Variants in PCDHGA12 observed in about 807,000 individuals in gnomAD.
PCDHGA12 encodes the protein protocadherin gamma-A12.
In PCDHGA12, 43 loss-of-function variants were observed where a neutral mutation model predicts 61.1. That is an observed-to-expected ratio of 0.70 (90% confidence interval 0.55 to 0.91). The LOEUF (loss-of-function observed/expected upper bound fraction) is 0.91. PCDHGA12 is among the 40% of genes least tolerant of loss of function. The pLI is 0.00. For synonymous variants in PCDHGA12, 520 were observed against 542.9 expected, an observed-to-expected ratio of 0.96 and a Z score of 0.59; for missense variants, 1,236 against 1,227.7, an observed-to-expected ratio of 1.01 and a Z score of -0.10.
rs564367150 is a variant in PCDHGA12 at position 141,464,990 on chromosome 5, C to T, written c.2425-29817C>T. Among the ~76,000 whole-genome samples, 147 of 152,192 alleles carry T rather than the reference C, an allele frequency of 9.7e-4. 1 individual carries two copies. Among genetic ancestry groups the T allele is most frequent in the African/African-American group, 3.5e-3 (144 of 41,536 alleles). On this transcript the variant is annotated intron_variant, in intron 1 of 3. Transcript: ENST00000252085. ...CTACTGGCTTCAAGTGATCCTCCCA[C>T]CTCAGCCTCCCAAAGTGCTAAGATT...
rs776773140 is a variant in PCDHGA12, at chr5:141,476,589, G to T, written c.2425-18218G>T. The T allele has an allele frequency of 6.2e-7, 1 of 1,614,246 alleles. No individual in the cohort carries two copies. Among genetic ancestry groups the T allele is most frequent in the South Asian group, 1.1e-5 (1 of 91,090 alleles). On this transcript the variant is annotated intron_variant, in intron 1 of 3. Coordinates refer to ENST00000252085, the MANE Select transcript of PCDHGA12 (RefSeq NM_003735.3). This position sits in a 1 kb window ranked among gnomAD's most constrained non-coding sequence, Gnocchi z 7.6. ...CCGGGGACGCGCTTTCCGCTCGAGA[G>T]CGCGCACGATCCCGATGTGGGAAGC...
At position 141,489,577 on chromosome 5, in the gene PCDHGA12, C is replaced by A. The variant is rs918238376; in HGVS notation, c.2425-5230C>A. The stretch of plus-strand genomic sequence containing the variant: ...GCCAGTGCAGGTGGTGACTGAACAC[C>A]CCCTGGAGCTAATCCGTGTAGAGGT... On this transcript the variant is annotated intron_variant, in intron 1 of 3. Coordinates refer to ENST00000252085, the MANE Select transcript of PCDHGA12 (RefSeq NM_003735.3). This position sits in a 1 kb window ranked among gnomAD's most constrained non-coding sequence, Gnocchi z 4.5. The A allele has an allele frequency of 6.2e-7, 1 of 1,613,894 alleles. No individual in the cohort carries two copies. The highest frequency in any genetic ancestry group is 8.5e-7 in the Non-Finnish European group (1 of 1,180,000).
rs1188870363 is a variant in PCDHGA12 at position 141,490,058 on chromosome 5, C to A, written c.2425-4749C>A. 16 of 1,614,230 alleles carry A rather than the reference C, an allele frequency of 9.9e-6. No individual in the cohort carries two copies. In the East Asian group the frequency reaches 3.6e-4, roughly 36 times the overall value. The stretch of plus-strand genomic sequence containing the variant: ...AATGCCACTGATCCAGACGAGGGCA[C>A]CAACGGCCAACTAGACTATTCTTTT... On this transcript the variant is annotated intron_variant, in intron 1 of 3. Coordinates refer to ENST00000252085, the MANE Select transcript of PCDHGA12 (RefSeq NM_003735.3). This position sits in a 1 kb window ranked among gnomAD's most constrained non-coding sequence, Gnocchi z 5.4.
intron 1 of PCDHGA12, among the ~76,000 whole-genome samples, chr5:141,438,655 T>C (rs1436221152): frequency 7.1e-6 from 1 of 140,042 alleles, no homozygotes; most frequent in Non-Finnish European, 1.5e-5. Flanking sequence ...CACACACATA[T>C]ATGTATATAT....
In PCDHGA12 at chr5:141,477,013, T is replaced by A. The variant is rs1285961519; in HGVS notation, c.2425-17794T>A. On this transcript the variant is annotated intron_variant, in intron 1 of 3. Coordinates refer to ENST00000252085, the MANE Select transcript of PCDHGA12 (RefSeq NM_003735.3). This position sits in a 1 kb window ranked among gnomAD's most constrained non-coding sequence, Gnocchi z 4.9. ...TGCGGCAACTATTCGCCTTAGACCT[T>A]GTAACCGGGATGCTGACAATCAAGG... is the stretch of plus-strand genomic sequence containing the variant. 6.2e-7 allele frequency: 1 copy of A among 1,614,204 alleles called. No individual in the cohort carries two copies. The highest frequency in any genetic ancestry group is 2.2e-5 in the East Asian group (1 of 44,878).
At chr5:141,492,265 G>C (rs1363279754) in intron 1 of PCDHGA12, among the ~76,000 whole-genome samples, 1 of 152,180 alleles carries the variant, frequency 6.6e-6, no homozygotes, top group Non-Finnish European at 1.5e-5. Flanking sequence ...CAAGTTGCAC[G>C]GGCTCGCCAC....
chr5:141,446,917 C>G (rs979679080), intron 1 of PCDHGA12, among the ~76,000 whole-genome samples: 1 of 152,108 alleles, frequency 6.6e-6, no homozygotes, highest in South Asian at 2.1e-4. Flanking sequence ...TTTTATTTAT[C>G]TTCCTGATCT....
At position 141,485,561 on chromosome 5, in the gene PCDHGA12, GCCC is replaced by G; in HGVS notation, c.2425-9242_2425-9240del. ...AGAGATCGTAGATGTGAATGATCAC[GCCC>G]CCCGTTTTCCGCGGCAGCAGCTGGA... On this transcript the variant is annotated intron_variant, in intron 1 of 3. Transcript: ENST00000252085. This position sits in a 1 kb window ranked among gnomAD's most constrained non-coding sequence, Gnocchi z 5.7. 1 of 1,613,008 alleles carries G rather than the reference GCCC, an allele frequency of 6.2e-7. No homozygotes were observed.
intron 1 of PCDHGA12, among the ~76,000 whole-genome samples, chr5:141,464,747 G>A (rs969116049): frequency 2.0e-5 from 3 of 151,812 alleles, no homozygotes; most frequent in Admixed American, 2.0e-4. Context: ...ATATCTTTTT[G>A]TTTTTTTAGA....
At chr5:141,474,148 A>G (rs773360112) in intron 1 of PCDHGA12, among the ~76,000 whole-genome samples, 4 of 152,244 alleles carry the variant, frequency 2.6e-5, no homozygotes, top group Non-Finnish European at 5.9e-5. Context: ...CTTATTATCA[A>G]GAAAATGACA....
rs2734872 is a variant in PCDHGA12 at position 141,474,454 on chromosome 5, C to T, written c.2425-20353C>T. On this transcript the variant is annotated intron_variant, in intron 1 of 3. Transcript: ENST00000252085. ...ACACTTTGAGTAGCAAGTGATTGGG[C>T]TATACTCTTTATTCTAAATTCTAAA... Among the ~76,000 whole-genome samples, 6 of 152,308 alleles carry T rather than the reference C, an allele frequency of 3.9e-5. No individual in the cohort carries two copies. The East Asian group carries it at 1.2e-3, about 29-fold the overall frequency.
At chr5:141,458,854 T>G (rs2098955098) in intron 1 of PCDHGA12, among the ~76,000 whole-genome samples, 1 of 152,182 alleles carries the variant, frequency 6.6e-6, no homozygotes, top group South Asian at 2.1e-4. Flanking sequence ...CACCTCAGCC[T>G]TCCAAGTAGC....
In PCDHGA12 at chr5:141,475,977, A is replaced by G. The variant is rs369460464; in HGVS notation, c.2425-18830A>G. The stretch of plus-strand genomic sequence containing the variant: ...CCCCGGGATGAGGCAGAGACTGAAC[A>G]GCCGGCGAGCAAATCAACGGCATCC... On this transcript the variant is annotated intron_variant, in intron 1 of 3. Transcript: ENST00000252085. The G allele has an allele frequency of 2.2e-5, 21 of 972,826 alleles. No individual in the cohort carries two copies. The South Asian group carries it at 2.8e-4, about 13-fold the overall frequency. 60.3% of individuals were successfully genotyped at this position (972,826 alleles called of 1,614,324 possible).
Position 141,485,618 on chromosome 5 carries a change from G to A in PCDHGA12, c.2425-9189G>A, listed in dbSNP as rs2099616729. 2.5e-6 allele frequency: 4 copies of A among 1,612,092 alleles called. No individual in the cohort carries two copies. Among genetic ancestry groups the A allele is most frequent in the Non-Finnish European group, 3.4e-6 (4 of 1,178,672 alleles). On this transcript the variant is annotated intron_variant, in intron 1 of 3. Coordinates refer to ENST00000252085, the MANE Select transcript of PCDHGA12 (RefSeq NM_003735.3). This position sits in a 1 kb window ranked among gnomAD's most constrained non-coding sequence, Gnocchi z 5.7. The stretch of plus-strand genomic sequence containing the variant: ...GGAAATTGGGGAGGCAGCTCCTCCA[G>A]GACAGCGTTTCCCGTTGGAAAAGGC...
In PCDHGA12 at chr5:141,430,634, C is replaced by G; in HGVS notation, c.-126C>G. The G allele has an allele frequency of 1.1e-6, 1 of 882,730 alleles. No homozygotes were observed. Among genetic ancestry groups the G allele is most frequent in the Non-Finnish European group, 1.7e-6 (1 of 604,338 alleles). The allele number at this position is 882,730 out of a possible 1,614,324, so 54.7% of individuals were successfully genotyped here. ...GCAGATAGCTAGGAATGAACCATCCCTGGGAGTATGTGGAAACAACGGAGG... is the reference window on the plus strand; with the variant it reads ...GCAGATAGCTAGGAATGAACCATCCGTGGGAGTATGTGGAAACAACGGAGG... On this transcript the variant is annotated 5_prime_UTR_variant, in exon 1 of 4. Transcript: ENST00000252085.
intron 1 of PCDHGA12, among the ~76,000 whole-genome samples, chr5:141,463,725 C>A (rs1259646105): frequency 6.6e-6 from 1 of 152,026 alleles, no homozygotes. Flanking sequence ...GGATTACAGG[C>A]ATGAGCCACC....
chr5:141,494,843 G>T lies in PCDHGA12; in HGVS notation c.2461G>T (p.Ala821Ser). The T allele has an allele frequency of 6.2e-7, 1 of 1,614,088 alleles. No individual in the cohort carries two copies. The highest frequency in any genetic ancestry group is 8.5e-7 in the Non-Finnish European group (1 of 1,180,006). ...PPNTDWRFSQ[A>S]QRPGTSGSQN... Reference sequence around the variant, plus strand: ...CAACACGGACTGGCGTTTCTCTCAGGCCCAGAGACCCGGCACCAGCGGGTA... The same window carrying T: ...CAACACGGACTGGCGTTTCTCTCAGTCCCAGAGACCCGGCACCAGCGGGTA... Residue 821 changes from alanine (A) to serine (S), a missense_variant, in exon 2 of 4, where the codon GCC becomes TCC. Transcript: ENST00000252085.
chr5:141,506,277 T>C (rs905595521), intron 3 of PCDHGA12, among the ~76,000 whole-genome samples: 1 of 152,050 alleles, frequency 6.6e-6, no homozygotes. Flanking sequence ...AGTGAAACCC[T>C]GTCTCTACTA....
chr5:141,507,478 C>A (rs933478897), intron 3 of PCDHGA12, among the ~76,000 whole-genome samples: 3 of 152,158 alleles, frequency 2.0e-5, no homozygotes, highest in Non-Finnish European at 4.4e-5. Context: ...GGACTGCTGG[C>A]CTCCTGAGGC....
Sources: allele counts gnomAD v4.1 joint callset (sites outside exome capture counted in the v4.1 genomes callset), GRCh38; gene constraint gnomAD v4.1.1; non-coding constraint Gnocchi (gnomAD v3.1); transcripts MANE v1.5; gene names NCBI Gene and HGNC (gene_info 2026-07-23, HGNC 2026-07-21).